The following PAX6 variants were observed in gnomAD, a reference collection of about 807,000 sequenced individuals.
PAX6 encodes paired box 6.
Under a neutral mutation model 60.7 loss-of-function variants are expected in PAX6, and 7 were observed. That is an observed-to-expected ratio of 0.12 (90% CI 0.07 to 0.22). The LOEUF (loss-of-function observed/expected upper bound fraction) is 0.22, where lower values mean the gene tolerates loss of function less well. Among genes scored for constraint, PAX6 ranks in the 10% least tolerant of loss-of-function variants. The pLI, the probability that PAX6 is intolerant of heterozygous loss-of-function variation, is 1.00. For missense variants in PAX6, 355 were observed against 555.2 expected (o/e 0.64, Z 3.62); for synonymous variants, 208 against 201.2 (o/e 1.03, Z -0.29).
chr11:31,817,873 G>T (rs1202843311), exon 1 of PAX6: 1 of 152,674 alleles, frequency 6.5e-6, no homozygotes, highest in Non-Finnish European at 1.5e-5. Context: ...TCTCACCGCC[G>T]CTCGGCAGGG....
chr11:31,793,493 T>C lies in PAX6; in HGVS notation c.1019A>G (p.Tyr340Cys), dbSNP rs543260074. 1.2e-6 allele frequency: 2 copies of C among 1,614,178 alleles called. No homozygotes were observed. The highest frequency in any genetic ancestry group is 1.7e-6 in the Non-Finnish European group (2 of 1,180,034). Reference protein sequence around the residue: ...GRTDTALTNTYSALPPMPSFT... With the variant: ...GRTDTALTNTCSALPPMPSFT... ...GCTGGGCATAGGCGGCAGAGCGCTG[T>C]AGGTGTTTGTGAGGGCTGTGTCTGT... The change falls in exon 12 of 14, where the codon TAC becomes TGC. Residue 340 changes from tyrosine (Y) to cysteine (C), a missense_variant. Tyr to Cys is a radical substitution (Grantham distance 194). Coordinates refer to ENST00000640368, the MANE Select transcript of PAX6 (RefSeq NM_001368894.2).
rs572270289 is a variant in PAX6, at chr11:31,801,985, T to G, written c.142-73A>C. The G allele has an allele frequency of 3.9e-5, 48 of 1,230,334 alleles. 1 individual carries two copies. The East Asian group carries it at 1.1e-3, about 28-fold the overall frequency. The allele number at this position is 1,230,334 out of a possible 1,614,324, so 76.2% of individuals were successfully genotyped here. A position where few individuals can be genotyped will look rare whatever the true frequency, so the allele number is the denominator to read the frequency against. On this transcript the variant is annotated intron_variant, in intron 5 of 13. Coordinates refer to ENST00000640368, the MANE Select transcript of PAX6 (RefSeq NM_001368894.2). ...GAGCTTTTTTTCTTAAAATTACATTTGTAGCCCTAAAAACTACAAATATGA... is the reference window on the plus strand; with the variant it reads ...GAGCTTTTTTTCTTAAAATTACATTGGTAGCCCTAAAAACTACAAATATGA...
chr11:31,813,159 G>T (rs1342988171), upstream of PAX6: 3 of 152,166 alleles, frequency 2.0e-5, no homozygotes, highest in African/African-American at 7.2e-5. Context: ...TGGGTCAGAG[G>T]TGAAGGAGGT....
chr11:31,789,844 T>G lies in PAX6; in HGVS notation c.*90A>C, dbSNP rs572377074. On this transcript the variant is annotated 3_prime_UTR_variant, in exon 14 of 14. Transcript: ENST00000640368. ...AAGCGGCTCTAACAGCCATTTTTCTTTCTTTCCTGAAAGCTCAACTGTTGT... is the reference window on the plus strand; with the variant it reads ...AAGCGGCTCTAACAGCCATTTTTCTGTCTTTCCTGAAAGCTCAACTGTTGT... The G allele has an allele frequency of 1.4e-4, 176 of 1,228,426 alleles. No individual in the cohort carries two copies. Among genetic ancestry groups the G allele is most frequent in the Non-Finnish European group, 2.0e-4 (170 of 852,120 alleles). 76.1% of individuals were successfully genotyped at this position (1,228,426 alleles called of 1,614,324 possible).
intron 2 of PAX6, chr11:31,807,639 C>A (rs1294120177): frequency 6.6e-6 from 1 of 152,216 alleles, no homozygotes; most frequent in Non-Finnish European, 1.5e-5. Context: ...TACCTCGCCT[C>A]ACTGCTTTAA....
chr11:31,801,932 C>CA lies in PAX6; in HGVS notation c.142-21_142-20insT. 6.2e-7 allele frequency: 1 copy of CA among 1,605,680 alleles called. No individual in the cohort carries two copies. Among genetic ancestry groups the CA allele is most frequent in the Non-Finnish European group, 8.5e-7 (1 of 1,172,612 alleles). ...ATGGGTCTATAACACAAAAATATAC[C>CA]TTCAATGGTATGAGAACTTACTGTA... On this transcript the variant is annotated intron_variant, in intron 5 of 13. Coordinates refer to ENST00000640368, the MANE Select transcript of PAX6 (RefSeq NM_001368894.2).
upstream of PAX6, chr11:31,814,501 G>C (rs1360655086): frequency 1.3e-5 from 2 of 152,166 alleles, no homozygotes; most frequent in African/African-American, 4.8e-5. Flanking sequence ...CTCTTTCCCC[G>C]GTCAAGCAGA....
chr11:31,801,962 G>A, intron 5 of PAX6, 50 bp from the exon 6 acceptor site: 1 of 1,468,070 alleles, frequency 6.8e-7, no homozygotes, highest in Non-Finnish European at 9.5e-7. Flanking sequence ...ACTGTAGAGA[G>A]CTTTTTTTCT....
In PAX6 at chr11:31,789,226, A is replaced by G; in HGVS notation, c.*708T>C. On this transcript the variant is annotated 3_prime_UTR_variant, in exon 14 of 14. Coordinates refer to ENST00000640368, the MANE Select transcript of PAX6 (RefSeq NM_001368894.2). ...TAAATGAAATTAACTTTATTATAGA[A>G]ATCATTCTGAGGATTTCTAGGGAAG... The G allele has an allele frequency of 4.7e-6, 1 of 211,318 alleles. No individual in the cohort carries two copies. Among genetic ancestry groups the G allele is most frequent in the Non-Finnish European group, 9.6e-6 (1 of 104,108 alleles). 13.1% of individuals were successfully genotyped at this position (211,318 alleles called of 1,614,324 possible).
Position 31,811,210 on chromosome 11 carries a change from G to T in PAX6, c.-412C>A. The T allele has an allele frequency of 2.5e-6, 1 of 399,260 alleles. No individual in the cohort carries two copies. Among genetic ancestry groups the T allele is most frequent in the South Asian group, 1.3e-4 (1 of 7,840 alleles). The allele number at this position is 399,260 out of a possible 1,614,324, so 24.7% of individuals were successfully genotyped here. On this transcript the variant is annotated 5_prime_UTR_variant, in exon 1 of 14. Coordinates refer to ENST00000640368, the MANE Select transcript of PAX6 (RefSeq NM_001368894.2). Reference sequence around the variant, plus strand: ...CCTCACTGGCCCATTAGCGAAGCCTGACCTCTGTCATCATCCTCCAGCAAA... The same window carrying T: ...CCTCACTGGCCCATTAGCGAAGCCTTACCTCTGTCATCATCCTCCAGCAAA...
intron 8 of PAX6, among the ~76,000 whole-genome samples, chr11:31,798,037 A>C (rs1423129440): frequency 6.6e-6 from 1 of 152,128 alleles, no homozygotes; most frequent in African/African-American, 2.4e-5. Flanking sequence ...AAATAAAATC[A>C]TTCCTTAGTT....
chr11:31,789,912 C>CTTTTTTTTTT lies in PAX6; in HGVS notation c.*12_*21dup. ...CTGAATTAACACAATATTTCCTTTC[C>CTTTTTTTTTT]TTTTTTTTTTTTTTTTTTTTTTTAC... On this transcript the variant is annotated 3_prime_UTR_variant, in exon 14 of 14. Transcript: ENST00000640368. 33 of 1,045,952 alleles carry CTTTTTTTTTT rather than the reference C, an allele frequency of 3.2e-5. 1 individual carries two copies. The highest frequency in any genetic ancestry group is 1.4e-4 in the Admixed American group (6 of 43,874). 64.8% of individuals were successfully genotyped at this position (1,045,952 alleles called of 1,614,324 possible). A position where few individuals can be genotyped will look rare whatever the true frequency, so the allele number is the denominator to read the frequency against.
chr11:31,802,812 G>A lies in PAX6; in HGVS notation c.33C>T (p.Leu11=), dbSNP rs772746456. ...GCCGCCCGTTGACAAAGACACCACC[G>A]AGCTGATTCACTCCGCTGTGACCTG... MQNSHSGVNQ[L]GGVFVNGRPL... Residue 11 remains leucine, a synonymous_variant, in exon 5 of 14, where the codon CTC becomes CTT. Transcript: ENST00000640368. 11 of 1,613,886 alleles carry A rather than the reference G, an allele frequency of 6.8e-6. No individual in the cohort carries two copies. The highest frequency in any genetic ancestry group is 1.7e-5 in the Admixed American group (1 of 59,988).
At chr11:31,816,570 C>A in intron 1 of PAX6, 2 of 702,632 alleles carry the variant, frequency 2.8e-6, no homozygotes, top group East Asian at 2.7e-5. Flanking sequence ...CTTCCCACTG[C>A]GAAGCAGGCG....
At chr11:31,800,969 C>T in intron 7 of PAX6, 113 bp from the exon 8 acceptor site, 1 of 1,119,668 alleles carries the variant, frequency 8.9e-7, no homozygotes, top group Non-Finnish European at 1.3e-6. Context: ...AAAAAGCTCC[C>T]AGCCACCCCG....
At chr11:31,801,139 G>T in intron 7 of PAX6, 1 of 1,027,094 alleles carries the variant, frequency 9.7e-7, no homozygotes, top group Non-Finnish European at 1.3e-6. Flanking sequence ...TTTGTTAAAA[G>T]ACTGCCCGAA....
chr11:31,811,228 C>G lies in PAX6; in HGVS notation c.-430G>C, dbSNP rs886048207. 2.3e-5 allele frequency: 9 copies of G among 399,118 alleles called. No individual in the cohort carries two copies. The highest frequency in any genetic ancestry group is 4.4e-5 in the Admixed American group (1 of 22,726). 24.7% of individuals were successfully genotyped at this position (399,118 alleles called of 1,614,324 possible). ...GAAGCCTGACCTCTGTCATCATCCT[C>G]CAGCAAAACACTTCCTCCTGCGCCT... On this transcript the variant is annotated 5_prime_UTR_variant, in exon 1 of 14. Coordinates refer to ENST00000640368, the MANE Select transcript of PAX6 (RefSeq NM_001368894.2).
Position 31,800,659 on chromosome 11 carries a change from G to C in PAX6, c.565+32C>G, listed in dbSNP as rs1440568495. 3.7e-6 allele frequency: 6 copies of C among 1,612,804 alleles called. No homozygotes were observed. The African/African-American group carries it at 8.0e-5, about 22-fold the overall frequency. On this transcript the variant is annotated intron_variant, in intron 8 of 13. Coordinates refer to ENST00000640368, the MANE Select transcript of PAX6 (RefSeq NM_001368894.2). Reference sequence around the variant, plus strand: ...GGACAGGCAAAGGGATGCACATATGGAGAGCTGCGTGGATGGCTGCTTGGG... The same window carrying C: ...GGACAGGCAAAGGGATGCACATATGCAGAGCTGCGTGGATGGCTGCTTGGG...
chr11:31,815,438 A>G (rs986009017), upstream of PAX6, among the ~76,000 whole-genome samples: 1 of 152,086 alleles, frequency 6.6e-6, no homozygotes, highest in African/African-American at 2.4e-5. Context: ...CTAAAGGCCA[A>G]CGACCCGGTC....
Sources: gnomAD v4.1 joint callset for allele counts (sites outside exome capture counted in the v4.1 genomes callset) on GRCh38, gnomAD v4.1.1 for gene constraint, MANE v1.5 for transcripts, NCBI Gene and HGNC (gene_info 2026-07-23, HGNC 2026-07-21) for gene names.